The following GPHN variants were observed in gnomAD, a reference collection of about 807,000 sequenced individuals.
GPHN encodes gephyrin.
In GPHN, 17 loss-of-function variants were observed where a neutral mutation model predicts 95.5. That is an observed-to-expected ratio of 0.18 (90% CI 0.12 to 0.27). The LOEUF (loss-of-function observed/expected upper bound fraction) is 0.27. Among genes scored for constraint, GPHN ranks in the 10% least tolerant of loss-of-function variants. The pLI is 1.00. For synonymous variants in GPHN, 320 were observed against 322.5 expected (o/e 0.99, Z 0.08); for missense variants, 660 against 978.1 (o/e 0.67, Z 4.34).
chr14:66,750,378 T>C (rs2058322438), intron 2 of GPHN, among the ~76,000 whole-genome samples: 1 of 151,908 alleles, frequency 6.6e-6, no homozygotes, highest in South Asian at 2.1e-4. Flanking sequence ...GACATATCAC[T>C]ACTCTCATAC....
the GPHN span, among the ~76,000 whole-genome samples, chr14:67,709,689 A>G: frequency 6.6e-6 from 1 of 152,146 alleles, no homozygotes; most frequent in Non-Finnish European, 1.5e-5. Flanking sequence ...GTTTATTTTG[A>G]TTGGCATCTT....
the GPHN span, among the ~76,000 whole-genome samples, chr14:67,436,372 G>A: frequency 5.3e-5 from 8 of 152,282 alleles, no homozygotes; most frequent in South Asian, 2.1e-4. Flanking sequence ...TTCTGCAGCC[G>A]TAAGGGAGAA....
chr14:67,346,166 T>C, the GPHN span, among the ~76,000 whole-genome samples: 41 of 152,352 alleles, frequency 2.7e-4, no homozygotes, highest in African/African-American at 8.2e-4. Flanking sequence ...TACTGCCTGA[T>C]GCCCAGAGTA....
At chr14:67,661,584 G>A in the GPHN span, among the ~76,000 whole-genome samples, 2 of 144,062 alleles carry the variant, frequency 1.4e-5, no homozygotes, top group East Asian at 2.0e-4. Flanking sequence ...CCAGACTGGA[G>A]TGCAGTGGTG....
At chr14:67,011,573 CAAAAAAA>C (rs201978777) in intron 9 of GPHN, among the ~76,000 whole-genome samples, 2 of 63,190 alleles carry the variant, frequency 3.2e-5, no homozygotes, top group African/African-American at 5.9e-5. Flanking sequence ...GACCTTGCCT[CAAAAAAA>C]AAAAAAAAAA....
chr14:67,453,670 G>A, the GPHN span, among the ~76,000 whole-genome samples: 1 of 152,346 alleles, frequency 6.6e-6, no homozygotes, highest in South Asian at 2.1e-4. Flanking sequence ...GAGCTGGGAT[G>A]AGAAGCAGCG....
At chr14:67,367,951 T>C in the GPHN span, among the ~76,000 whole-genome samples, 2 of 152,326 alleles carry the variant, frequency 1.3e-5, no homozygotes, top group South Asian at 4.1e-4. Flanking sequence ...TTAGTTTCTT[T>C]AAAAATATAT....
chr14:66,534,870 A>G (rs1207491702), intron 1 of GPHN, among the ~76,000 whole-genome samples: 1 of 152,094 alleles, frequency 6.6e-6, no homozygotes, highest in East Asian at 1.9e-4. Flanking sequence ...GGAATTCCTT[A>G]TGTATTCTGA....
At chr14:66,839,833 T>G (rs2062003171) in intron 4 of GPHN, among the ~76,000 whole-genome samples, 1 of 152,192 alleles carries the variant, frequency 6.6e-6, no homozygotes. Flanking sequence ...ATTTACTTCC[T>G]CTTTCATTCT....
the GPHN span, among the ~76,000 whole-genome samples, chr14:67,405,204 G>A: frequency 2.5e-5 from 3 of 119,354 alleles, no homozygotes; most frequent in Non-Finnish European, 4.8e-5. Context: ...CAGCCTGGGC[G>A]ACAGAGCAAG....
intron 1 of GPHN, among the ~76,000 whole-genome samples, chr14:66,658,018 T>G (rs781051223): frequency 2.0e-5 from 3 of 152,180 alleles, no homozygotes; most frequent in Admixed American, 6.5e-5. Context: ...GGCTCACCAT[T>G]CTAGATGCCA....
chr14:67,264,184 G>T, the GPHN span, among the ~76,000 whole-genome samples: 1 of 152,160 alleles, frequency 6.6e-6, no homozygotes, highest in African/African-American at 2.4e-5. Context: ...TAAAGTGTTT[G>T]TTAGGCCAAA....
chr14:66,552,475 A>G (rs1403824214), intron 1 of GPHN, among the ~76,000 whole-genome samples: 1 of 152,168 alleles, frequency 6.6e-6, no homozygotes, highest in Non-Finnish European at 1.5e-5. Flanking sequence ...GAGAAAGGAA[A>G]CAGTTTTTGT....
At chr14:67,332,008 G>A in the GPHN span, among the ~76,000 whole-genome samples, 2 of 152,186 alleles carry the variant, frequency 1.3e-5, no homozygotes, top group African/African-American at 4.8e-5. Context: ...TACTGTTACA[G>A]AAGTTCAAAC....
the GPHN span, chr14:67,470,875 C>A: frequency 6.6e-6 from 1 of 152,502 alleles, no homozygotes; most frequent in East Asian, 1.9e-4. Flanking sequence ...AGCAAACACT[C>A]CCCACCAGCA....
chr14:66,884,809 T>C (rs2064109720), intron 5 of GPHN, among the ~76,000 whole-genome samples: 1 of 137,440 alleles, frequency 7.3e-6, no homozygotes, highest in Non-Finnish European at 1.6e-5. Context: ...TGTGTGTGTA[T>C]GTGTGTGTGT....
intron 2 of GPHN, among the ~76,000 whole-genome samples, chr14:66,739,542 CAAAA>C (rs1446771286): frequency 1.4e-4 from 17 of 122,014 alleles, no homozygotes; most frequent in Admixed American, 3.4e-4. Flanking sequence ...TTTTTTTAAA[CAAAA>C]CCATCAATGG....
At chr14:67,196,787 A>C in the GPHN span, 1 of 152,292 alleles carries the variant, frequency 6.6e-6, no homozygotes, top group African/African-American at 2.4e-5. Context: ...AGCTCAGCTC[A>C]GACATAGACA....
At chr14:67,714,310 T>C in the GPHN span, among the ~76,000 whole-genome samples, 1 of 152,038 alleles carries the variant, frequency 6.6e-6, no homozygotes, top group African/African-American at 2.4e-5. Flanking sequence ...AATTTTTTTT[T>C]CATTTTTTTA....
Sources: gnomAD v4.1 joint callset for allele counts (sites outside exome capture counted in the v4.1 genomes callset) on GRCh38, gnomAD v4.1.1 for gene constraint, MANE v1.5 for transcripts, NCBI Gene and HGNC (gene_info 2026-07-23, HGNC 2026-07-21) for gene names.